LRRC4C: variants seen among roughly 807,000 people sequenced by gnomAD.
The protein encoded by LRRC4C is leucine-rich repeat-containing protein 4C.
In LRRC4C, 5 loss-of-function variants were observed where a neutral mutation model predicts 33.6. The observed-to-expected ratio is 0.15, with a 90% CI of 0.08 to 0.31. The LOEUF is 0.31. Ranked by LOEUF, LRRC4C falls within the 10% of genes least tolerant of loss-of-function variation. The pLI is 1.00. For synonymous variants in LRRC4C, 329 were observed against 302.0 expected (o/e 1.09, Z -0.93); for missense variants, 560 against 796.7 (o/e 0.70, Z 3.58).
rs553262639 is a variant in LRRC4C, at chr11:40,849,604, A to T, written c.-407+84031T>A. ...CTTCATTTCAACCTTGGTTAATCTG[A>T]CGATTATATTTCTTGGGGTTGCTCT... On this transcript the variant is annotated intron_variant, in intron 2 of 6. Transcript: ENST00000528697. 1.4e-4 allele frequency among the ~76,000 whole-genome samples: 21 copies of T among 151,706 alleles called. 1 individual carries two copies. The South Asian group carries it at 4.4e-3, about 32-fold the overall frequency.
chr11:40,303,280 T>C (rs1432049401), intron 4 of LRRC4C, among the ~76,000 whole-genome samples: 1 of 152,092 alleles, frequency 6.6e-6, no homozygotes, highest in Non-Finnish European at 1.5e-5. Context: ...CTACAAAGTT[T>C]TATTAATTTG....
At chr11:40,673,301 T>C (rs762899296) in intron 2 of LRRC4C, among the ~76,000 whole-genome samples, 22 of 152,268 alleles carry the variant, frequency 1.4e-4, no homozygotes, top group Non-Finnish European at 3.1e-4. Context: ...GCTTTTCTTT[T>C]CCAAGAATAT....
chr11:41,332,916 C>T (rs964700188), intron 1 of LRRC4C, among the ~76,000 whole-genome samples: 3 of 152,084 alleles, frequency 2.0e-5, no homozygotes, highest in African/African-American at 7.2e-5. Flanking sequence ...ATAACTTCTT[C>T]CTATAAGCCT....
chr11:41,168,695 A>G (rs901197576), intron 1 of LRRC4C, among the ~76,000 whole-genome samples: 10 of 152,204 alleles, frequency 6.6e-5, no homozygotes, highest in Non-Finnish European at 1.3e-4. Context: ...TGGTTTCAGA[A>G]TTAAAGTGAT....
At chr11:40,868,036 G>C (rs1591942282) in intron 2 of LRRC4C, among the ~76,000 whole-genome samples, 1 of 152,230 alleles carries the variant, frequency 6.6e-6, no homozygotes, top group Non-Finnish European at 1.5e-5. Context: ...GCTAGGGAGG[G>C]CTCCAGAATT....
At chr11:40,154,633 C>T (rs1313614008) in intron 5 of LRRC4C, among the ~76,000 whole-genome samples, 1 of 152,096 alleles carries the variant, frequency 6.6e-6, no homozygotes, top group Non-Finnish European at 1.5e-5. Context: ...TGGTAAAAGG[C>T]CTTGTCCCAC....
At chr11:41,324,765 C>T (rs922374587) in intron 1 of LRRC4C, among the ~76,000 whole-genome samples, 3 of 152,140 alleles carry the variant, frequency 2.0e-5, no homozygotes, top group African/African-American at 7.2e-5. Context: ...AAAAATGAAG[C>T]TTGAAGATTT....
At chr11:41,454,503 T>G (rs1245235569) in intron 1 of LRRC4C, among the ~76,000 whole-genome samples, 2 of 152,166 alleles carry the variant, frequency 1.3e-5, no homozygotes, top group African/African-American at 4.8e-5. Flanking sequence ...ATGCATCCTT[T>G]TATTAACAGT....
At chr11:40,586,742 C>T (rs2135699867) in intron 3 of LRRC4C, among the ~76,000 whole-genome samples, 1 of 151,322 alleles carries the variant, frequency 6.6e-6, no homozygotes, top group East Asian at 1.9e-4. Flanking sequence ...AGCCTTTCCC[C>T]ATTGCTTGTT....
At chr11:40,597,546 CAT>C (rs748286246) in intron 3 of LRRC4C, among the ~76,000 whole-genome samples, 10 of 152,120 alleles carry the variant, frequency 6.6e-5, no homozygotes, top group Non-Finnish European at 1.0e-4. Context: ...AAAATAGTCA[CAT>C]GTGTATGCAT....
chr11:40,131,005 T>G (rs1346643562), intron 6 of LRRC4C, among the ~76,000 whole-genome samples: 1 of 152,204 alleles, frequency 6.6e-6, no homozygotes, highest in Non-Finnish European at 1.5e-5. Flanking sequence ...AAGCCAAGAC[T>G]ATAACACTTA....
At chr11:40,591,800 A>G (rs564388784) in intron 3 of LRRC4C, among the ~76,000 whole-genome samples, 3 of 152,342 alleles carry the variant, frequency 2.0e-5, no homozygotes, top group East Asian at 1.9e-4. Flanking sequence ...GTAAATGCCT[A>G]TATTAAGGAA....
At chr11:40,271,789 T>C (rs544391981) in intron 4 of LRRC4C, among the ~76,000 whole-genome samples, 3 of 152,318 alleles carry the variant, frequency 2.0e-5, no homozygotes, top group South Asian at 4.1e-4. Flanking sequence ...ATGACATCAA[T>C]GGATTCATTT....
chr11:40,469,951 G>A (rs887903141), intron 3 of LRRC4C, among the ~76,000 whole-genome samples: 1 of 152,192 alleles, frequency 6.6e-6, no homozygotes, highest in African/African-American at 2.4e-5. Context: ...AGCTGTGGGA[G>A]CAGTTTCAGC....
chr11:40,358,859 CATTT>C (rs541421433), intron 3 of LRRC4C, among the ~76,000 whole-genome samples: 89 of 152,032 alleles, frequency 5.9e-4, no homozygotes, highest in Admixed American at 3.1e-3. Flanking sequence ...TTCATTCATT[CATTT>C]ATTTATTTAT....
intron 3 of LRRC4C, 47 bp downstream of exon 3, chr11:40,648,095 T>G (rs1256972801): frequency 6.6e-6 from 1 of 152,178 alleles, no homozygotes; most frequent in East Asian, 1.9e-4. Context: ...CCATAGTCAA[T>G]GAATCTTTGA....
intron 5 of LRRC4C, among the ~76,000 whole-genome samples, chr11:40,167,600 G>A (rs991596801): frequency 1.3e-5 from 2 of 152,146 alleles, no homozygotes; most frequent in Admixed American, 6.5e-5. Context: ...TTCTATGACA[G>A]AAAGTTCTCT....
At chr11:40,871,120 A>G (rs528823913) in intron 2 of LRRC4C, among the ~76,000 whole-genome samples, 1 of 152,214 alleles carries the variant, frequency 6.6e-6, no homozygotes, top group Admixed American at 6.5e-5. Flanking sequence ...TTTTGGTCAG[A>G]CCGGTTGTCT....
At chr11:40,332,033 T>C (rs1946386614) in intron 3 of LRRC4C, among the ~76,000 whole-genome samples, 1 of 152,234 alleles carries the variant, frequency 6.6e-6, no homozygotes, top group Non-Finnish European at 1.5e-5. Flanking sequence ...AATTAACACT[T>C]GAGAAGCAAT....
Sources: allele counts gnomAD v4.1 joint callset (sites outside exome capture counted in the v4.1 genomes callset), GRCh38; gene constraint gnomAD v4.1.1; transcripts MANE v1.5; gene names NCBI Gene and HGNC (gene_info 2026-07-23, HGNC 2026-07-21).